Variants in ROBO1 observed in about 807,000 individuals in gnomAD.
ROBO1 encodes the protein roundabout guidance receptor 1.
ROBO1 carries 149 observed loss-of-function variants against 195.9 expected under a neutral mutation model. The ratio of observed to expected loss-of-function variants is 0.76; its 90% CI spans 0.67 to 0.87. ROBO1 has a LOEUF of 0.87. Ranked by LOEUF, ROBO1 falls within the 40% of genes least tolerant of loss-of-function variation. The pLI, the probability that ROBO1 is intolerant of heterozygous loss-of-function variation, is 0.00. For synonymous variants in ROBO1, 816 were observed against 733.2 expected, an observed-to-expected ratio of 1.11 and a Z score of -1.82; for missense variants, 1,933 against 2,068.3, an observed-to-expected ratio of 0.93 and a Z score of 1.27.
In ROBO1 at chr3:79,142,575, T is replaced by G. The variant is rs935472640; in HGVS notation, c.89-17036A>C. Among the ~76,000 whole-genome samples, 4 of 152,140 alleles carry G rather than the reference T, an allele frequency of 2.6e-5. No individual in the cohort carries two copies. The South Asian group carries it at 8.3e-4, about 31-fold the overall frequency. ...CAGTAGCCTCTGCACATGTTTAGAG[T>G]GGACACAGCCTAGGTGACTAGCAAA... On this transcript the variant is annotated intron_variant, in intron 2 of 30. Coordinates refer to ENST00000464233, the MANE Select transcript of ROBO1 (RefSeq NM_002941.4).
At chr3:79,694,944 C>G (rs1560107629) in intron 1 of ROBO1, among the ~76,000 whole-genome samples, 1 of 151,582 alleles carries the variant, frequency 6.6e-6, no homozygotes, top group African/African-American at 2.4e-5. Context: ...AGGATTCTCT[C>G]TTATGAAAAT....
At chr3:78,750,427 T>C (rs1437293252) in intron 4 of ROBO1, among the ~76,000 whole-genome samples, 1 of 149,206 alleles carries the variant, frequency 6.7e-6, no homozygotes, top group Non-Finnish European at 1.5e-5. Context: ...CACTCCAGCC[T>C]GGGCAACAGA....
At chr3:78,655,381 T>C (rs187572447) in intron 18 of ROBO1, among the ~76,000 whole-genome samples, 19 of 152,270 alleles carry the variant, frequency 1.2e-4, no homozygotes, top group African/African-American at 4.6e-4. Flanking sequence ...ATGTGTACCA[T>C]GTCTAGACCT....
chr3:79,092,084 A>T (rs1392636653), intron 3 of ROBO1, among the ~76,000 whole-genome samples: 1 of 152,158 alleles, frequency 6.6e-6, no homozygotes, highest in Non-Finnish European at 1.5e-5. Flanking sequence ...AATCACCTAC[A>T]TGAGAGATGA....
chr3:79,126,966 G>T (rs1455832), intron 2 of ROBO1, among the ~76,000 whole-genome samples: 1 of 150,684 alleles, frequency 6.6e-6, no homozygotes, highest in Non-Finnish European at 1.5e-5. Flanking sequence ...CCTCCTTCCC[G>T]TAAGTGTCGC....
intron 2 of ROBO1, among the ~76,000 whole-genome samples, chr3:79,554,870 G>A (rs1160850197): frequency 6.6e-6 from 1 of 152,088 alleles, no homozygotes; most frequent in East Asian, 1.9e-4. Context: ...CTTACTGTGA[G>A]AAGTAACACA....
At chr3:79,391,538 C>T (rs912007484) in intron 2 of ROBO1, among the ~76,000 whole-genome samples, 1 of 152,230 alleles carries the variant, frequency 6.6e-6, no homozygotes, top group African/African-American at 2.4e-5. Context: ...AAACCTCCCA[C>T]TTCCCCATCT....
chr3:79,237,410 G>A (rs2082430597), intron 2 of ROBO1, among the ~76,000 whole-genome samples: 1 of 151,742 alleles, frequency 6.6e-6, no homozygotes, highest in African/African-American at 2.4e-5. Flanking sequence ...GAACCCAGGA[G>A]GCGGAGCTTG....
intron 3 of ROBO1, among the ~76,000 whole-genome samples, chr3:78,996,741 A>C (rs2108098893): frequency 6.6e-6 from 1 of 152,160 alleles, no homozygotes; most frequent in Non-Finnish European, 1.5e-5. Context: ...CCCCTTTTGA[A>C]CTTCAGGCTA....
At chr3:79,255,111 G>C (rs984619653) in intron 2 of ROBO1, among the ~76,000 whole-genome samples, 1 of 152,066 alleles carries the variant, frequency 6.6e-6, no homozygotes, top group African/African-American at 2.4e-5. Context: ...CAGCCTACTC[G>C]GATTTATGCG....
rs114740922 is a variant in ROBO1, at chr3:79,490,710, C to T, written c.88+99114G>A. ...TGACTTGGTGCACAGCCAATGAATG[C>T]ATTGCAGTCTCTGAAGGAAATGCGG... On this transcript the variant is annotated intron_variant, in intron 2 of 30. Coordinates refer to ENST00000464233, the MANE Select transcript of ROBO1 (RefSeq NM_002941.4). 2.0e-3 allele frequency among the ~76,000 whole-genome samples: 310 copies of T among 152,302 alleles called. 2 individuals carry two copies. The highest frequency in any genetic ancestry group is 6.2e-3 in the African/African-American group (258 of 41,574).
chr3:79,512,179 T>C (rs1940740153), intron 2 of ROBO1, among the ~76,000 whole-genome samples: 2 of 128,442 alleles, frequency 1.6e-5, no homozygotes, highest in South Asian at 4.8e-4. Flanking sequence ...AAATAATCTG[T>C]TTATATCACA....
rs537581011 is a variant in ROBO1, at chr3:79,096,051, A to G, written c.172+29405T>C. 2.6e-5 allele frequency among the ~76,000 whole-genome samples: 4 copies of G among 152,172 alleles called. No individual in the cohort carries two copies. The South Asian group carries it at 8.3e-4, about 32-fold the overall frequency. On this transcript the variant is annotated intron_variant, in intron 3 of 30. Transcript: ENST00000464233. ...TGAACATTCATGTATAAATATATTT[A>G]CACACTTGGATAATGCATCTGTAGT...
At chr3:79,538,823 G>A (rs895862547) in intron 2 of ROBO1, among the ~76,000 whole-genome samples, 1 of 152,112 alleles carries the variant, frequency 6.6e-6, no homozygotes, top group Non-Finnish European at 1.5e-5. Flanking sequence ...TTTTAGAGTT[G>A]TATGTAAATG....
chr3:79,537,539 C>T (rs1941919142), intron 2 of ROBO1, among the ~76,000 whole-genome samples: 1 of 152,222 alleles, frequency 6.6e-6, no homozygotes, highest in East Asian at 1.9e-4. Flanking sequence ...TTCAAAATGG[C>T]TGAAATATTT....
At chr3:79,314,705 C>T (rs982946774) in intron 2 of ROBO1, among the ~76,000 whole-genome samples, 2 of 152,206 alleles carry the variant, frequency 1.3e-5, no homozygotes, top group Non-Finnish European at 2.9e-5. Context: ...TCTTCGACAG[C>T]ATACACTCTT....
intron 4 of ROBO1, among the ~76,000 whole-genome samples, chr3:78,924,278 C>T (rs1006450713): frequency 4.6e-5 from 7 of 151,914 alleles, no homozygotes; most frequent in Admixed American, 2.0e-4. Flanking sequence ...ATCAAACGTA[C>T]AATTATATCT....
At chr3:78,866,999 A>C (rs2035224414) in intron 4 of ROBO1, among the ~76,000 whole-genome samples, 1 of 152,142 alleles carries the variant, frequency 6.6e-6, no homozygotes. Context: ...AGAAGACAAA[A>C]ATTTCCACTA....
At chr3:79,336,875 C>T (rs1216330525) in intron 2 of ROBO1, among the ~76,000 whole-genome samples, 1 of 152,202 alleles carries the variant, frequency 6.6e-6, no homozygotes, top group Non-Finnish European at 1.5e-5. Context: ...CCACCTCTTG[C>T]ATCAGTATGA....
Sources: allele counts gnomAD v4.1 joint callset (sites outside exome capture counted in the v4.1 genomes callset), GRCh38; gene constraint gnomAD v4.1.1; transcripts MANE v1.5; gene names NCBI Gene and HGNC (gene_info 2026-07-23, HGNC 2026-07-21).